The following SERHL2 variants were observed in gnomAD, a reference collection of about 807,000 sequenced individuals.
The protein encoded by SERHL2 is serine hydrolase like 2, also known as serine hydrolase-like protein 2.
Under a neutral mutation model 25.5 loss-of-function variants are expected in SERHL2, and 29 were observed. The observed-to-expected ratio is 1.14, with a 90% confidence interval of 0.85 to 1.55. The LOEUF is 1.55. SERHL2 is among the 40% of genes most tolerant of loss of function. The pLI is 0.00. For missense variants in SERHL2, 240 were observed against 252.3 expected (o/e 0.95, Z 0.33); for synonymous variants, 95 against 103.5 (o/e 0.92, Z 0.50).
At position 42,571,400 on chromosome 22, in the gene SERHL2, C is replaced by A. The variant is rs1406349627; in HGVS notation, c.731+197C>A. ...AGGTCAGAGGAGGGGAGGGCTCGGG[C>A]AGCAGGGGATGGGCCGGGGCTGTCC... On this transcript the variant is annotated intron_variant, in intron 10 of 11. Transcript: ENST00000327678. 140 of 1,396,834 alleles carry A rather than the reference C, an allele frequency of 1.0e-4. 2 individuals are homozygous for A. Among genetic ancestry groups the A allele is most frequent in the Non-Finnish European group, 1.3e-4 (135 of 1,073,596 alleles). The allele number at this position is 1,396,834 out of a possible 1,614,324, so 86.5% of individuals were successfully genotyped here.
intron 8 of SERHL2, 94 bp downstream of exon 8, chr22:42,560,359 C>G (rs941347152): frequency 1.2e-5 from 11 of 912,386 alleles, no homozygotes; most frequent in Non-Finnish European, 2.0e-5. Flanking sequence ...GGATACTAAG[C>G]GCTTTGCAAA....
intron 11 of SERHL2, chr22:42,573,605 G>A (rs570485387): frequency 2.5e-5 from 7 of 280,264 alleles, no homozygotes; most frequent in East Asian, 1.9e-4. Context: ...GGCTGTTCAC[G>A]CCCCCATCTC....
chr22:42,572,653 A>G, intron 11 of SERHL2, 124 bp downstream of exon 11: 3 of 1,445,118 alleles, frequency 2.1e-6, no homozygotes, highest in Non-Finnish European at 2.7e-6. Flanking sequence ...AGTGACCACC[A>G]GGATCTATCA....
At position 42,572,753 on chromosome 22, in the gene SERHL2, C is replaced by T. The variant is rs397843951; in HGVS notation, c.825+224C>T. ...AACAGAGACCTTTGGTGGGGAACCCCTGCCAGGTTCAAGCTACTCTCGTGC... is the reference window on the plus strand; with the variant it reads ...AACAGAGACCTTTGGTGGGGAACCCTTGCCAGGTTCAAGCTACTCTCGTGC... On this transcript the variant is annotated intron_variant, in intron 11 of 11. Coordinates refer to ENST00000327678, the MANE Select transcript of SERHL2 (RefSeq NM_014509.5). The T allele has an allele frequency of 3.0e-4, 292 of 983,358 alleles. 1 individual carries two copies. In the African/African-American group the frequency reaches 4.8e-3, roughly 16 times the overall value. The allele number at this position is 983,358 out of a possible 1,614,324, so 60.9% of individuals were successfully genotyped here.
chr22:42,563,463 CA>C, intron 8 of SERHL2: 1 of 443,194 alleles, frequency 2.3e-6, no homozygotes, highest in Non-Finnish European at 4.5e-6. Context: ...CTCGACCTCC[CA>C]AAATGGTAGG....
Position 42,564,844 on chromosome 22 carries a change from C to G in SERHL2, c.614-1460C>G, listed in dbSNP as rs890819470. Among the ~76,000 whole-genome samples the G allele has an allele frequency of 3.9e-5, 6 of 152,042 alleles. No homozygotes were observed. In the South Asian group the frequency reaches 1.2e-3, roughly 31 times the overall value. On this transcript the variant is annotated intron_variant, in intron 8 of 11. Transcript: ENST00000327678. ...ACAGGGTCTTGCTGTGTTGGCCAGA[C>G]TGGATTGCAGTGGCAGGATCTCGGC... is the stretch of plus-strand genomic sequence containing the variant.
chr22:42,566,217 G>A, intron 8 of SERHL2, 87 bp from the exon 9 acceptor site: 1 of 1,362,880 alleles, frequency 7.3e-7, no homozygotes, highest in Non-Finnish European at 1.0e-6. Flanking sequence ...GGCTGCAAAG[G>A]CCTGGAGGGT....
rs561817578 is a variant in SERHL2 at position 42,559,097 on chromosome 22, C to T, written c.533+640C>T. Among the ~76,000 whole-genome samples the T allele has an allele frequency of 8.9e-3, 785 of 88,458 alleles. 2 individuals are homozygous for T. The highest frequency in any genetic ancestry group is 0.019 in the African/African-American group (362 of 18,636). The allele number at this position is 88,458 out of a possible 152,430, so 58.0% of individuals were successfully genotyped here. The stretch of plus-strand genomic sequence containing the variant: ...CACCCTGCCGCTGTAAACATGCAAT[C>T]GAAACACGGGACACAGGCCAGGCGC... On this transcript the variant is annotated intron_variant, in intron 7 of 11. Transcript: ENST00000327678.
intron 8 of SERHL2, among the ~76,000 whole-genome samples, 188 bp from the exon 9 acceptor site, chr22:42,566,116 G>A (rs189019711): frequency 2.6e-4 from 39 of 152,194 alleles, no homozygotes; most frequent in Admixed American, 1.6e-3. Flanking sequence ...GTGGCCAGGT[G>A]GCTGTGGTCT....
chr22:42,569,279 G>A (rs1344051735), intron 9 of SERHL2: 10 of 151,608 alleles, frequency 6.6e-5, no homozygotes, highest in Non-Finnish European at 1.2e-4. Flanking sequence ...TTTATTTAGA[G>A]ACCAAGTCTT....
rs754053626 is a variant in SERHL2 at position 42,574,099 on chromosome 22, C to T, written c.*44C>T. 4.5e-6 allele frequency: 7 copies of T among 1,561,760 alleles called. No homozygotes were observed. Among genetic ancestry groups the T allele is most frequent in the African/African-American group, 1.4e-5 (1 of 73,922 alleles). ...GAAGACCTAGTGCTCCCAGACTCAACACTGGGACTCTGAGTTCCTGAGCCC... is the reference window on the plus strand; with the variant it reads ...GAAGACCTAGTGCTCCCAGACTCAATACTGGGACTCTGAGTTCCTGAGCCC... On this transcript the variant is annotated 3_prime_UTR_variant, in exon 12 of 12. Transcript: ENST00000327678.
chr22:42,569,705 G>C (rs1447390212), intron 9 of SERHL2: 1 of 151,834 alleles, frequency 6.6e-6, no homozygotes, highest in Non-Finnish European at 1.5e-5. Context: ...CGCAGGCCTT[G>C]GGAACAGTAT....
intron 8 of SERHL2, among the ~76,000 whole-genome samples, chr22:42,564,031 C>T (rs1268047457): frequency 6.6e-6 from 1 of 151,658 alleles, no homozygotes; most frequent in Non-Finnish European, 1.5e-5. Flanking sequence ...GAGATCATAC[C>T]ATTGCACTCT....
rs188458354 is a variant in SERHL2 at position 42,563,827 on chromosome 22, G to A, written c.614-2477G>A. 3.5e-4 allele frequency among the ~76,000 whole-genome samples: 53 copies of A among 151,816 alleles called. No individual in the cohort carries two copies. In the East Asian group the frequency reaches 7.2e-3, roughly 20 times the overall value. On this transcript the variant is annotated intron_variant, in intron 8 of 11. Coordinates refer to ENST00000327678, the MANE Select transcript of SERHL2 (RefSeq NM_014509.5). ...AGTGGCTCATGCCTGTAATCCCAGCGCTTTGGGAGGCTGAGGTGGGTGAAT... is the reference window on the plus strand; with the variant it reads ...AGTGGCTCATGCCTGTAATCCCAGCACTTTGGGAGGCTGAGGTGGGTGAAT...
intron 10 of SERHL2, chr22:42,571,845 G>GAAC: frequency 6.5e-6 from 1 of 152,966 alleles, no homozygotes; most frequent in Admixed American, 6.5e-5. Context: ...CGTGTTGTAT[G>GAAC]GCTGCATTCA....
At position 42,562,192 on chromosome 22, in the gene SERHL2, C is replaced by A. The variant is rs1004071884; in HGVS notation, c.613+1927C>A. On this transcript the variant is annotated intron_variant, in intron 8 of 11. Transcript: ENST00000327678. ...AAGACAGTACCCAGCCAGAACCCCCCACCCAGTGCCTCAAGGACAATGTAG... is the reference window on the plus strand; with the variant it reads ...AAGACAGTACCCAGCCAGAACCCCCAACCCAGTGCCTCAAGGACAATGTAG... Among the ~76,000 whole-genome samples the A allele has an allele frequency of 2.2e-4, 33 of 151,938 alleles. 1 individual carries two copies. The highest frequency in any genetic ancestry group is 7.0e-4 in the African/African-American group (29 of 41,496).
At chr22:42,571,422 G>T in intron 10 of SERHL2, 8 of 1,385,884 alleles carry the variant, frequency 5.8e-6, no homozygotes, top group Non-Finnish European at 7.5e-6. Context: ...GGCCGGGGCT[G>T]TCCCATGCCT....
rs373458123 is a variant in SERHL2, at chr22:42,554,086, C to A, written c.22+44C>A. ...GTGCGAGCGTCCCACTGCCCACCCA[C>A]CTGGTTGGGACAGTAGAAGAGGGCG... On this transcript the variant is annotated intron_variant, in intron 1 of 11. Transcript: ENST00000327678. The A allele has an allele frequency of 1.9e-6, 3 of 1,605,640 alleles. No individual in the cohort carries two copies. In the South Asian group the frequency reaches 3.3e-5, roughly 18 times the overall value.
At chr22:42,568,187 C>G (rs1408241138) in intron 9 of SERHL2, among the ~76,000 whole-genome samples, 1 of 122,932 alleles carries the variant, frequency 8.1e-6, no homozygotes, top group Non-Finnish European at 1.7e-5. Flanking sequence ...CCACACCCAG[C>G]TAAATTTTTT....
Sources: allele counts gnomAD v4.1 joint callset (sites outside exome capture counted in the v4.1 genomes callset), GRCh38; gene constraint gnomAD v4.1.1; transcripts MANE v1.5; gene names NCBI Gene and HGNC (gene_info 2026-07-23, HGNC 2026-07-21).